Variants in BIN3 observed in about 807,000 individuals in gnomAD.
BIN3 encodes the protein bridging integrator 3.
Under a neutral mutation model 38.2 loss-of-function variants are expected in BIN3, and 41 were observed. The ratio of observed to expected loss-of-function variants is 1.07; its 90% CI spans 0.84 to 1.39. The LOEUF (loss-of-function observed/expected upper bound fraction) is 1.39, where lower values mean the gene tolerates loss of function less well. Ranked by LOEUF, BIN3 falls within the 40% of genes most tolerant of loss-of-function variation. The pLI is 0.00. For missense variants in BIN3, 361 were observed against 324.3 expected (o/e 1.11, Z -0.87); for synonymous variants, 145 against 122.6 (o/e 1.18, Z -1.21).
chr8:22,648,028 A>G (rs1802766398), intron 1 of BIN3, among the ~76,000 whole-genome samples: 1 of 150,764 alleles, frequency 6.6e-6, no homozygotes, highest in African/African-American at 2.4e-5. Flanking sequence ...CCAGCTACTC[A>G]GGAGGCTGAG....
At chr8:22,627,394 C>T (rs1454648520) in intron 6 of BIN3, among the ~76,000 whole-genome samples, 2 of 152,220 alleles carry the variant, frequency 1.3e-5, no homozygotes, top group African/African-American at 4.8e-5. Context: ...TACTTCTTAG[C>T]AACAGAACAG....
intron 4 of BIN3, among the ~76,000 whole-genome samples, chr8:22,632,513 A>ATTT (rs1585183086): frequency 6.6e-6 from 1 of 152,222 alleles, no homozygotes; most frequent in East Asian, 1.9e-4. Flanking sequence ...GACTCTGTAG[A>ATTT]TTTAGGAACA....
At chr8:22,630,614 A>C in intron 4 of BIN3, 36 bp from the exon 5 acceptor site, 1 of 1,611,526 alleles carries the variant, frequency 6.2e-7, no homozygotes, top group Non-Finnish European at 8.5e-7. Flanking sequence ...CCTTCTATGA[A>C]GGGGCAGGTT....
chr8:22,631,968 G>A (rs980594849), intron 4 of BIN3, among the ~76,000 whole-genome samples: 2 of 152,228 alleles, frequency 1.3e-5, no homozygotes, highest in African/African-American at 4.8e-5. Context: ...GCCTGATGCC[G>A]TCTGTACCAG....
chr8:22,639,308 T>C (rs1050372094), intron 2 of BIN3, among the ~76,000 whole-genome samples: 3 of 152,140 alleles, frequency 2.0e-5, no homozygotes, highest in Admixed American at 6.5e-5. Flanking sequence ...CATGGCTCAC[T>C]GCAGCCTTGA....
intron 1 of BIN3, among the ~76,000 whole-genome samples, chr8:22,647,773 C>T (rs1301126595): frequency 6.6e-6 from 1 of 152,090 alleles, no homozygotes; most frequent in Non-Finnish European, 1.5e-5. Flanking sequence ...TTCAACTCAC[C>T]TGCTCAAAAG....
chr8:22,629,282 G>A (rs184707732), intron 6 of BIN3, among the ~76,000 whole-genome samples: 25 of 152,168 alleles, frequency 1.6e-4, no homozygotes, highest in Admixed American at 4.6e-4. Flanking sequence ...GGGCGAACAG[G>A]AGCTTTCTAG....
chr8:22,639,659 T>C (rs1035470082), intron 2 of BIN3, among the ~76,000 whole-genome samples: 1 of 152,228 alleles, frequency 6.6e-6, no homozygotes, highest in Non-Finnish European at 1.5e-5. Context: ...CACTAAATGT[T>C]AGTTTCTGTG....
At chr8:22,649,749 G>C (rs1413459740) in intron 1 of BIN3, among the ~76,000 whole-genome samples, 1 of 148,698 alleles carries the variant, frequency 6.7e-6, no homozygotes, top group Non-Finnish European at 1.5e-5. Flanking sequence ...TTTTTTTCTT[G>C]ACTACAAAAA....
Position 22,629,607 on chromosome 8 carries a change from C to T in BIN3, c.338+357G>A, listed in dbSNP as rs542690023. On this transcript the variant is annotated intron_variant, in intron 6 of 8. Transcript: ENST00000276416. ...CAAGATGAAAGGCCTTGCTCATGTC[C>T]GCTGAGGGCTGGCCAAGATCTCTGC... 18 of 311,382 alleles carry T rather than the reference C, an allele frequency of 5.8e-5. No individual in the cohort carries two copies. In the East Asian group the frequency reaches 6.7e-4, roughly 12 times the overall value. The allele number at this position is 311,382 out of a possible 1,614,324, so 19.3% of individuals were successfully genotyped here.
intron 1 of BIN3, among the ~76,000 whole-genome samples, chr8:22,667,319 T>C (rs1803452911): frequency 6.6e-6 from 1 of 152,230 alleles, no homozygotes; most frequent in Non-Finnish European, 1.5e-5. Context: ...AGGGAAACTT[T>C]CTGTGAGACA....
At chr8:22,625,612 G>C (rs1295832534) in intron 6 of BIN3, 8 of 582,618 alleles carry the variant, frequency 1.4e-5, no homozygotes, top group South Asian at 2.0e-5. Flanking sequence ...TTTTGAGACA[G>C]AGTCTTGCTC....
In BIN3 at chr8:22,621,288, T is replaced by C; in HGVS notation, c.*134A>G. 1 of 1,218,302 alleles carries C rather than the reference T, an allele frequency of 8.2e-7. No homozygotes were observed. Among genetic ancestry groups the C allele is most frequent in the Non-Finnish European group, 1.1e-6 (1 of 893,628 alleles). 75.5% of individuals were successfully genotyped at this position (1,218,302 alleles called of 1,614,324 possible). ...CTGGTGCCAGGCTCAGGAAGAGTCA[T>C]TCATTGCAAAGGGCCGGCAAGTGAA... On this transcript the variant is annotated 3_prime_UTR_variant, in exon 9 of 9. Coordinates refer to ENST00000276416, the MANE Select transcript of BIN3 (RefSeq NM_018688.6).
chr8:22,629,802 C>T lies in BIN3; in HGVS notation c.338+162G>A, dbSNP rs886784702. 4.0e-5 allele frequency: 29 copies of T among 721,262 alleles called. 1 individual carries two copies. Among genetic ancestry groups the T allele is most frequent in the South Asian group, 4.0e-4 (23 of 57,462 alleles). The allele number at this position is 721,262 out of a possible 1,614,324, so 44.7% of individuals were successfully genotyped here. ...ACTCTGGAGCCCCCAGGAGCATGGA[C>T]GCTTAGGCCACAGGTCACAGAGCTG... On this transcript the variant is annotated intron_variant, in intron 6 of 8. Coordinates refer to ENST00000276416, the MANE Select transcript of BIN3 (RefSeq NM_018688.6).
chr8:22,656,059 G>A (rs1803047024), intron 1 of BIN3, among the ~76,000 whole-genome samples: 1 of 151,930 alleles, frequency 6.6e-6, no homozygotes, highest in Non-Finnish European at 1.5e-5. Context: ...AATTTCACTA[G>A]CTGTGTGCTC....
intron 2 of BIN3, among the ~76,000 whole-genome samples, chr8:22,641,118 G>C: frequency 6.6e-6 from 1 of 152,216 alleles, no homozygotes; most frequent in Non-Finnish European, 1.5e-5. Context: ...GAGGAAAAGA[G>C]CCAGACAGAA....
At chr8:22,668,515 G>A (rs1452738011) in intron 1 of BIN3, among the ~76,000 whole-genome samples, 1 of 152,232 alleles carries the variant, frequency 6.6e-6, no homozygotes, top group East Asian at 1.9e-4. Context: ...GGGTGTGTGC[G>A]GAGTGTAATT....
chr8:22,668,999 C>T, intron 1 of BIN3, 45 bp downstream of exon 1: 1 of 1,556,376 alleles, frequency 6.4e-7, no homozygotes. Flanking sequence ...AGGGGCCTCG[C>T]GGGTCCGCGG....
chr8:22,644,572 TC>T, intron 2 of BIN3, 182 bp downstream of exon 2: 1 of 598,714 alleles, frequency 1.7e-6, no homozygotes, highest in Non-Finnish European at 3.0e-6. Context: ...AGGGGAAGTG[TC>T]CCAGGACAGG....
Sources: allele counts gnomAD v4.1 joint callset (sites outside exome capture counted in the v4.1 genomes callset), GRCh38; gene constraint gnomAD v4.1.1; transcripts MANE v1.5; gene names NCBI Gene and HGNC (gene_info 2026-07-23, HGNC 2026-07-21).